Variants in RIT2 observed in about 807,000 individuals in gnomAD.
RIT2 encodes GTP-binding protein Rit2.
In RIT2, 24 loss-of-function variants were observed where a neutral mutation model predicts 23.7. The ratio of observed to expected loss-of-function variants is 1.01; its 90% CI spans 0.73 to 1.43. The LOEUF (loss-of-function observed/expected upper bound fraction) is 1.43. Ranked by LOEUF, RIT2 falls within the 40% of genes most tolerant of loss-of-function variation. The pLI is 0.00. For synonymous variants in RIT2, 107 were observed against 91.1 expected (o/e 1.17, Z -0.99); for missense variants, 236 against 266.9 (o/e 0.88, Z 0.81).
At chr18:43,023,051 T>G (rs527848069) in intron 2 of RIT2, among the ~76,000 whole-genome samples, 92 of 152,068 alleles carry the variant, frequency 6.0e-4, no homozygotes, top group Admixed American at 1.3e-3. Flanking sequence ...TTATGCATTC[T>G]TAGTATGACG....
intron 4 of RIT2, among the ~76,000 whole-genome samples, chr18:42,873,708 A>G (rs1225796194): frequency 2.0e-5 from 3 of 152,172 alleles, no homozygotes; most frequent in African/African-American, 7.2e-5. Flanking sequence ...AAGATGATAA[A>G]AGCAGATATC....
At chr18:42,757,846 A>G (rs567436578) in intron 4 of RIT2, among the ~76,000 whole-genome samples, 69 of 152,292 alleles carry the variant, frequency 4.5e-4, no homozygotes, top group Middle Eastern at 6.8e-3. Flanking sequence ...GTGAGGAAAT[A>G]AAAGCATCCC....
chr18:43,085,169 AAAG>A (rs1193971726), intron 1 of RIT2, among the ~76,000 whole-genome samples: 3 of 152,118 alleles, frequency 2.0e-5, no homozygotes, highest in Admixed American at 6.6e-5. Context: ...ATTAACAAAA[AAAG>A]AAACAAAAAG....
At chr18:43,040,686 T>C (rs1912106858) in intron 1 of RIT2, among the ~76,000 whole-genome samples, 2 of 152,076 alleles carry the variant, frequency 1.3e-5, no homozygotes, top group Non-Finnish European at 2.9e-5. Flanking sequence ...TACTATGAGA[T>C]GGGGGTGCAT....
At chr18:42,985,447 CTT>C (rs1162519322) in intron 2 of RIT2, among the ~76,000 whole-genome samples, 1 of 152,072 alleles carries the variant, frequency 6.6e-6, no homozygotes, top group Non-Finnish European at 1.5e-5. Flanking sequence ...AGAGCCAAGA[CTT>C]TGTTTAGAAA....
At chr18:42,751,682 G>T (rs956375584) in intron 4 of RIT2, among the ~76,000 whole-genome samples, 3 of 151,742 alleles carry the variant, frequency 2.0e-5, no homozygotes, top group Non-Finnish European at 2.9e-5. Context: ...CTAATTCAAA[G>T]CATAAAATGT....
intron 4 of RIT2, among the ~76,000 whole-genome samples, chr18:42,795,331 C>G (rs377116812): frequency 2.0e-5 from 3 of 152,206 alleles, no homozygotes; most frequent in African/African-American, 7.2e-5. Context: ...TTGGAACAGA[C>G]GGCCGACCCT....
intron 4 of RIT2, among the ~76,000 whole-genome samples, chr18:42,795,213 G>C (rs1293454228): frequency 6.6e-6 from 1 of 152,218 alleles, no homozygotes; most frequent in Admixed American, 6.5e-5. Context: ...GCCAAGGCCG[G>C]AGCCCACTCT....
rs1353396454 is a variant in RIT2, at chr18:42,751,535, T to C, written c.427-7815A>G. On this transcript the variant is annotated intron_variant, in intron 4 of 4. Coordinates refer to ENST00000326695, the MANE Select transcript of RIT2 (RefSeq NM_002930.4). Reference sequence around the variant, plus strand: ...TAAACAAATCCCATGCAAATATTCTTGTTCGAATGATATACAGCAAAACAG... The same window carrying C: ...TAAACAAATCCCATGCAAATATTCTCGTTCGAATGATATACAGCAAAACAG... 2.0e-5 allele frequency among the ~76,000 whole-genome samples: 3 copies of C among 151,950 alleles called. No homozygotes were observed. The East Asian group carries it at 5.8e-4, about 29-fold the overall frequency.
chr18:42,959,145 T>TTG (rs1910042022), intron 3 of RIT2, among the ~76,000 whole-genome samples: 2 of 152,210 alleles, frequency 1.3e-5, no homozygotes, highest in Non-Finnish European at 2.9e-5. Context: ...CTACACTTTC[T>TTG]TGTGTCCAGC....
intron 4 of RIT2, among the ~76,000 whole-genome samples, chr18:42,888,648 T>A (rs1158917281): frequency 6.6e-6 from 1 of 151,928 alleles, no homozygotes; most frequent in Non-Finnish European, 1.5e-5. Context: ...AGCAAAGACA[T>A]GGGATCAACC....
At chr18:42,787,443 AAG>A (rs1555637562) in intron 4 of RIT2, among the ~76,000 whole-genome samples, 1 of 151,948 alleles carries the variant, frequency 6.6e-6, no homozygotes, top group Non-Finnish European at 1.5e-5. Flanking sequence ...AAGAAAAAAA[AAG>A]AATATAATAA....
chr18:42,898,856 G>T (rs2144103825), intron 4 of RIT2, among the ~76,000 whole-genome samples: 1 of 152,196 alleles, frequency 6.6e-6, no homozygotes. Context: ...CTTGTAATTA[G>T]ATTCAAGTTA....
intron 4 of RIT2, among the ~76,000 whole-genome samples, chr18:42,856,847 T>TTTTTTTTG (rs1907197255): frequency 6.7e-6 from 1 of 148,730 alleles, no homozygotes. Flanking sequence ...TTTTTTTTTT[T>TTTTTTTTG]GAGACGGAGT....
Position 42,878,040 on chromosome 18 carries a change from C to A in RIT2, c.426+45532G>T, listed in dbSNP as rs538471553. On this transcript the variant is annotated intron_variant, in intron 4 of 4. Transcript: ENST00000326695. ...TCATTGAAATCCAAACACTTCTGGT[C>A]CCAAGTATTTCGGATAAGAGATACT... Among the ~76,000 whole-genome samples, 849 of 151,378 alleles carry A rather than the reference C, an allele frequency of 5.6e-3. 8 individuals are homozygous for A. Among genetic ancestry groups the A allele is most frequent in the African/African-American group, 0.02 (811 of 41,324 alleles).
chr18:43,093,477 A>G (rs1242267833), intron 1 of RIT2, among the ~76,000 whole-genome samples: 1 of 151,732 alleles, frequency 6.6e-6, no homozygotes, highest in African/African-American at 2.4e-5. Context: ...TTATTGTTAT[A>G]GACCTAGTTC....
chr18:42,823,702 T>C (rs930776435), intron 4 of RIT2, among the ~76,000 whole-genome samples: 6 of 152,158 alleles, frequency 3.9e-5, no homozygotes, highest in Admixed American at 1.3e-4. Context: ...ATACGTCTAT[T>C]ATGCACCAGT....
intron 2 of RIT2, among the ~76,000 whole-genome samples, chr18:42,997,423 A>G (rs1224477856): frequency 6.6e-6 from 1 of 152,072 alleles, no homozygotes; most frequent in African/African-American, 2.4e-5. Flanking sequence ...GAAAAGAAAA[A>G]AAACAAAAAA....
rs1908659049 is a variant in RIT2 at position 42,907,702 on chromosome 18, C to G, written c.426+15870G>C. ...GAAATTATCTGTTAAAGATTTTAGCCAGGTATGGTGGCTCATGCCTGAAAT... is the reference window on the plus strand; with the variant it reads ...GAAATTATCTGTTAAAGATTTTAGCGAGGTATGGTGGCTCATGCCTGAAAT... On this transcript the variant is annotated intron_variant, in intron 4 of 4. Transcript: ENST00000326695. Among the ~76,000 whole-genome samples the G allele has an allele frequency of 2.0e-5, 3 of 152,126 alleles. No individual in the cohort carries two copies. The South Asian group carries it at 6.2e-4, about 32-fold the overall frequency.
Sources: allele counts gnomAD v4.1 joint callset (sites outside exome capture counted in the v4.1 genomes callset), GRCh38; gene constraint gnomAD v4.1.1; transcripts MANE v1.5; gene names NCBI Gene and HGNC (gene_info 2026-07-23, HGNC 2026-07-21).